Variants in CNGA3 observed in about 807,000 individuals in gnomAD.
CNGA3 encodes the protein cyclic nucleotide gated channel subunit alpha 3.
In CNGA3, 42 loss-of-function variants were observed where a neutral mutation model predicts 46.6. The ratio of observed to expected loss-of-function variants is 0.90; its 90% CI spans 0.70 to 1.17. The LOEUF (loss-of-function observed/expected upper bound fraction) is 1.17, where lower values mean the gene tolerates loss of function less well. Among genes scored for constraint, CNGA3 ranks in the 50% most tolerant of loss-of-function variants. The pLI, the probability that CNGA3 is intolerant of heterozygous loss-of-function variation, is 0.00. For synonymous variants in CNGA3, 394 were observed against 369.4 expected, an observed-to-expected ratio of 1.07 and a Z score of -0.76; for missense variants, 893 against 890.7, an observed-to-expected ratio of 1.00 and a Z score of -0.03.
At chr2:98,389,845 C>A in intron 6 of CNGA3, 71 bp downstream of exon 6, 2 of 1,282,474 alleles carry the variant, frequency 1.6e-6, no homozygotes, top group Non-Finnish European at 2.3e-6. Flanking sequence ...GCCAGAGCTC[C>A]ACCTCTCCCT....
chr2:98,390,503 T>A (rs1692760530), intron 6 of CNGA3, among the ~76,000 whole-genome samples: 1 of 152,020 alleles, frequency 6.6e-6, no homozygotes, highest in African/African-American at 2.4e-5. Flanking sequence ...CTAGGAAACC[T>A]GTTTGTGAAT....
chr2:98,380,441 A>T (rs1692512859), intron 4 of CNGA3, 87 bp downstream of exon 4: 3 of 1,503,654 alleles, frequency 2.0e-6, no homozygotes, highest in Non-Finnish European at 2.7e-6. Context: ...GTTTGGATGC[A>T]GCACAGGTGG....
chr2:98,387,859 G>C (rs1380576993), intron 5 of CNGA3, among the ~76,000 whole-genome samples: 1 of 152,176 alleles, frequency 6.6e-6, no homozygotes, highest in Non-Finnish European at 1.5e-5. Context: ...ATTCAGAACG[G>C]AGAGCCTGGC....
At position 98,391,852 on chromosome 2, in the gene CNGA3, T is replaced by C. The variant is rs774147269; in HGVS notation, c.567-12T>C. ...CACGCACAGCCATCCATCTCCCACA[T>C]GGCTTCTTTAGGGCCTGTTTCGATG... On this transcript the variant is annotated splice_polypyrimidine_tract_variant and intron_variant, in intron 6 of 7. Coordinates refer to ENST00000272602, the MANE Select transcript of CNGA3 (RefSeq NM_001298.3). The C allele has an allele frequency of 3.7e-6, 6 of 1,613,760 alleles. No individual in the cohort carries two copies. In the Admixed American group the frequency reaches 5.0e-5, roughly 13 times the overall value.
At chr2:98,378,824 G>A (rs1376060392) in intron 3 of CNGA3, among the ~76,000 whole-genome samples, 1 of 152,224 alleles carries the variant, frequency 6.6e-6, no homozygotes, top group Non-Finnish European at 1.5e-5. Flanking sequence ...GGGACCTGGG[G>A]AGGTAGTCAC....
intron 5 of CNGA3, among the ~76,000 whole-genome samples, chr2:98,386,323 A>G (rs538951490): frequency 6.6e-6 from 1 of 152,180 alleles, no homozygotes; most frequent in African/African-American, 2.4e-5. Flanking sequence ...CCCAAATCTC[A>G]TCTTGAATTG....
In CNGA3 at chr2:98,363,239, G is replaced by A. The variant is rs566427611; in HGVS notation, c.-37-6700G>A. ...TAGCATTGAATCTATAAATTACTTC[G>A]GGAAGTATGGCCATTTTCATGATAA... On this transcript the variant is annotated intron_variant, in intron 1 of 7. Transcript: ENST00000272602. Among the ~76,000 whole-genome samples, 11 of 152,166 alleles carry A rather than the reference G, an allele frequency of 7.2e-5. No homozygotes were observed. The South Asian group carries it at 2.1e-3, about 29-fold the overall frequency.
Position 98,380,176 on chromosome 2 carries a change from C to A in CNGA3, c.217C>A (p.Leu73Met), listed in dbSNP as rs759589628. The change falls in exon 4 of 8, where the codon CTG becomes ATG. Residue 73 changes from leucine to methionine, a missense_variant and splice_region_variant. By Grantham distance (15) the Leu-to-Met change is conservative. Transcript: ENST00000272602. ...CTCAGTGCTTGTGTCACCTTCCAGGCTGTCGCGCCTCATCTTCTTGCTGCG... is the reference window on the plus strand; with the variant it reads ...CTCAGTGCTTGTGTCACCTTCCAGGATGTCGCGCCTCATCTTCTTGCTGCG... ...GSFTGQGIAR[L>M]SRLIFLLRRW... The A allele has an allele frequency of 6.2e-7, 1 of 1,613,982 alleles. No individual in the cohort carries two copies. Among genetic ancestry groups the A allele is most frequent in the Admixed American group, 1.7e-5 (1 of 60,016 alleles).
chr2:98,377,962 C>T, intron 3 of CNGA3, 162 bp downstream of exon 3: 2 of 1,405,928 alleles, frequency 1.4e-6, no homozygotes, highest in East Asian at 2.5e-5. Flanking sequence ...GAGTAATTTC[C>T]TCTTGGGTCA....
intron 1 of CNGA3, among the ~76,000 whole-genome samples, chr2:98,359,449 G>A (rs1333650191): frequency 6.6e-6 from 1 of 152,200 alleles, no homozygotes; most frequent in African/African-American, 2.4e-5. Flanking sequence ...AGGATGCGAG[G>A]TAGAGGACCA....
In CNGA3 at chr2:98,389,690, TG is replaced by T. The variant is rs1050579652; in HGVS notation, c.484del (p.Asp162ThrfsTer11). 6.2e-7 allele frequency: 1 copy of T among 1,613,886 alleles called. No homozygotes were observed. Among genetic ancestry groups the T allele is most frequent in the Non-Finnish European group, 8.5e-7 (1 of 1,180,042 alleles). ...ACGAAAAAGAAGGATGCGATCGTGG[TG>T]GACCCGTCCAGCAACCTGTACTACC... is the stretch of plus-strand genomic sequence containing the variant. ...KKTKKKDAIV[V>X]DPSSNLYYRW... On this transcript the variant is annotated frameshift_variant, in exon 6 of 8. Transcript: ENST00000272602. LOFTEE classifies it high-confidence loss of function.
chr2:98,367,167 G>GTTTATTTTCTTTTTTTTTTTTTTTTTTT lies in CNGA3; in HGVS notation c.-37-2769_-37-2768insATTTTCTTTTTTTTTTTTTTTTTTTTTT, dbSNP rs751611132. The stretch of plus-strand genomic sequence containing the variant: ...TTGGTGAGAACCTCTGACATCAGCT[G>GTTTATTTTCTTTTTTTTTTTTTTTTTTT]TTTTTTTTCTTTTTTTTCTTTTTTT... On this transcript the variant is annotated intron_variant, in intron 1 of 7. Transcript: ENST00000272602. Among the ~76,000 whole-genome samples, 24 of 101,618 alleles carry GTTTATTTTCTTTTTTTTTTTTTTTTTTT rather than the reference G, an allele frequency of 2.4e-4. 2 individuals carry two copies. Among genetic ancestry groups the GTTTATTTTCTTTTTTTTTTTTTTTTTTT allele is most frequent in the African/African-American group, 7.3e-4 (22 of 29,938 alleles). The allele number at this position is 101,618 out of a possible 152,430, so 66.7% of individuals were successfully genotyped here.
chr2:98,367,167 GTTTTTTTTC>G (rs1692174940), intron 1 of CNGA3, among the ~76,000 whole-genome samples: 5 of 101,586 alleles, frequency 4.9e-5, no homozygotes, highest in Admixed American at 1.1e-4. Flanking sequence ...GACATCAGCT[GTTTTTTTTC>G]TTTTTTTTCT....
chr2:98,397,422 A>G lies in CNGA3; in HGVS notation c.*167A>G, dbSNP rs1416570229. The G allele has an allele frequency of 4.2e-6, 3 of 722,376 alleles. No homozygotes were observed. The highest frequency in any genetic ancestry group is 3.8e-4 in the Middle Eastern group (1 of 2,620). 44.7% of individuals were successfully genotyped at this position (722,376 alleles called of 1,614,324 possible). On this transcript the variant is annotated 3_prime_UTR_variant, in exon 8 of 8. Transcript: ENST00000272602. The stretch of plus-strand genomic sequence containing the variant: ...CCTGTTTCTTCACCTAAAAAATGGG[A>G]CTTTTTGTCTCAGTCCCAGTGAAGT...
intron 5 of CNGA3, 142 bp downstream of exon 5, chr2:98,383,583 T>C: frequency 1.2e-6 from 1 of 821,630 alleles, no homozygotes; most frequent in South Asian, 1.5e-5. Context: ...CCTGTTCCCT[T>C]CGTTGGAATT....
intron 1 of CNGA3, among the ~76,000 whole-genome samples, chr2:98,365,506 A>G (rs1692126733): frequency 2.0e-5 from 3 of 152,118 alleles, no homozygotes; most frequent in Admixed American, 6.5e-5. Flanking sequence ...GTGTTTTCCA[A>G]CTTGGTTCCA....
chr2:98,385,965 A>C (rs1179700089), intron 5 of CNGA3, among the ~76,000 whole-genome samples: 1 of 152,214 alleles, frequency 6.6e-6, no homozygotes, highest in East Asian at 1.9e-4. Context: ...ATCCACCACC[A>C]TGACAGGGAC....
At chr2:98,375,798 G>A (rs1041383257) in intron 2 of CNGA3, among the ~76,000 whole-genome samples, 14 of 151,988 alleles carry the variant, frequency 9.2e-5, no homozygotes, top group African/African-American at 3.4e-4. Context: ...GCAGCTTCAT[G>A]GAGTGGATGA....
intron 1 of CNGA3, among the ~76,000 whole-genome samples, chr2:98,362,432 C>T (rs1447664998): frequency 2.6e-5 from 4 of 151,950 alleles, no homozygotes; most frequent in South Asian, 2.1e-4. Flanking sequence ...CCACCTGCCT[C>T]GGCCTCCCAA....
Sources: allele counts gnomAD v4.1 joint callset (sites outside exome capture counted in the v4.1 genomes callset), GRCh38; gene constraint gnomAD v4.1.1; transcripts MANE v1.5; gene names NCBI Gene and HGNC (gene_info 2026-07-23, HGNC 2026-07-21).